Variants in SGPP2 observed in about 807,000 individuals in gnomAD.
SGPP2 encodes the protein sphingosine-1-phosphate phosphatase 2, also known as sphingosine 1-phosphate phosphohydrolase 2.
SGPP2 carries 30 observed loss-of-function variants against 33.9 expected under a neutral mutation model. The ratio of observed to expected loss-of-function variants is 0.89; its 90% CI spans 0.66 to 1.20. SGPP2 has a LOEUF of 1.20. Among genes scored for constraint, SGPP2 ranks in the 50% most tolerant of loss-of-function variants. SGPP2 has a pLI of 0.00. For synonymous variants in SGPP2, 233 were observed against 225.0 expected (o/e 1.04, Z -0.32); for missense variants, 458 against 532.1 (o/e 0.86, Z 1.37).
intron 1 of SGPP2, among the ~76,000 whole-genome samples, chr2:222,434,982 AC>A (rs1697213681): frequency 1.0e-4 from 1 of 9,728 alleles, no homozygotes; most frequent in Non-Finnish European, 2.5e-4. Flanking sequence ...ATATACACAC[AC>A]ACACACACAC....
At position 222,558,440 on chromosome 2, in the gene SGPP2, C is replaced by T; in HGVS notation, c.742C>T (p.Leu248Phe). 1 of 1,614,194 alleles carries T rather than the reference C, an allele frequency of 6.2e-7. No individual in the cohort carries two copies. Among genetic ancestry groups the T allele is most frequent in the Non-Finnish European group, 8.5e-7 (1 of 1,180,036 alleles). ...CGACTGCCTGGACTCGGCCAGCCCCCTCTTCCCCGTGTGTGTCATAGTTGT... is the reference window on the plus strand; with the variant it reads ...CGACTGCCTGGACTCGGCCAGCCCCTTCTTCCCCGTGTGTGTCATAGTTGT... ...FIDCLDSASP[L>F]FPVCVIVVPF... The change falls in exon 5 of 5, where the codon CTC (leucine) becomes TTC (phenylalanine). Residue 248 changes from leucine to phenylalanine, a missense_variant. Leu to Phe is a conservative substitution (Grantham distance 22, BLOSUM62 0). Coordinates refer to ENST00000321276, the MANE Select transcript of SGPP2 (RefSeq NM_152386.4).
chr2:222,500,949 A>T (rs1698357805), intron 2 of SGPP2, among the ~76,000 whole-genome samples: 1 of 152,224 alleles, frequency 6.6e-6, no homozygotes, highest in African/African-American at 2.4e-5. Flanking sequence ...CTTTGGAGAC[A>T]AAGAACTCAG....
intron 1 of SGPP2, among the ~76,000 whole-genome samples, chr2:222,438,952 T>C (rs1183405093): frequency 6.6e-6 from 1 of 152,200 alleles, no homozygotes; most frequent in Non-Finnish European, 1.5e-5. Context: ...TGCCGGCTGC[T>C]AAGTATGTCT....
intron 2 of SGPP2, among the ~76,000 whole-genome samples, chr2:222,483,030 C>T (rs1346469136): frequency 2.0e-5 from 3 of 152,096 alleles, no homozygotes; most frequent in South Asian, 2.1e-4. Flanking sequence ...CAGATTGATC[C>T]ATGGTATAGA....
At chr2:222,463,621 T>C (rs558544190) in intron 1 of SGPP2, among the ~76,000 whole-genome samples, 3 of 152,224 alleles carry the variant, frequency 2.0e-5, no homozygotes, top group Admixed American at 1.3e-4. Context: ...ATGCACCCAC[T>C]AACATGACTG....
At chr2:222,472,007 G>A (rs16863735) in intron 1 of SGPP2, among the ~76,000 whole-genome samples, 2,402 of 152,184 alleles carry the variant, frequency 0.016, 70 homozygotes, top group African/African-American at 0.055. Context: ...CACTCCCAGG[G>A]TAAGTAGGAA....
chr2:222,550,248 G>A lies in SGPP2; in HGVS notation c.649-8099G>A, dbSNP rs1417301022. ...ATATTGCTTATCATATAGATTCTTA[G>A]GGATATTTCTTTTTTTGGCATGATG... is the stretch of plus-strand genomic sequence containing the variant. On this transcript the variant is annotated intron_variant, in intron 4 of 4. Coordinates refer to ENST00000321276, the MANE Select transcript of SGPP2 (RefSeq NM_152386.4). The surrounding 1 kb of genome is among the most constrained non-coding windows in gnomAD (Gnocchi z 4.5). Among the ~76,000 whole-genome samples the A allele has an allele frequency of 6.6e-6, 1 of 151,980 alleles. No homozygotes were observed. The highest frequency in any genetic ancestry group is 2.4e-5 in the African/African-American group (1 of 41,366).
At position 222,433,033 on chromosome 2, in the gene SGPP2, G is replaced by GAGAA. The variant is rs532524028; in HGVS notation, c.219+8228_219+8231dup. ...CGAAACTCTGAAAAAGAAAGAAAGA[G>GAGAA]AGAAAGAAAGAAAGAAAGAGAGAGA... On this transcript the variant is annotated intron_variant, in intron 1 of 4. Transcript: ENST00000321276. 1.6e-3 allele frequency among the ~76,000 whole-genome samples: 210 copies of GAGAA among 131,960 alleles called. 1 individual carries two copies. Among genetic ancestry groups the GAGAA allele is most frequent in the Middle Eastern group, 4.0e-3 (1 of 248 alleles). 86.6% of individuals were successfully genotyped at this position (131,960 alleles called of 152,430 possible).
intron 4 of SGPP2, among the ~76,000 whole-genome samples, chr2:222,529,664 C>A (rs1417111033): frequency 6.6e-6 from 1 of 152,200 alleles, no homozygotes; most frequent in African/African-American, 2.4e-5. Context: ...TCTGCCGTTA[C>A]TTCCTCCATT....
chr2:222,474,559 G>T lies in SGPP2; in HGVS notation c.220-9G>T, dbSNP rs1300145703. On this transcript the variant is annotated splice_polypyrimidine_tract_variant and intron_variant, in intron 1 of 4. Coordinates refer to ENST00000321276, the MANE Select transcript of SGPP2 (RefSeq NM_152386.4). ...GAACTCACAGAGTCTTCTAACTTTTGTCTTTTAGGCTTATGTACAGAAGTA... is the reference window on the plus strand; with the variant it reads ...GAACTCACAGAGTCTTCTAACTTTTTTCTTTTAGGCTTATGTACAGAAGTA... 5 of 1,611,610 alleles carry T rather than the reference G, an allele frequency of 3.1e-6. 1 individual carries two copies. The South Asian group carries it at 3.3e-5, about 11-fold the overall frequency.
At chr2:222,453,655 ATT>A (rs750479309) in intron 1 of SGPP2, among the ~76,000 whole-genome samples, 4 of 152,210 alleles carry the variant, frequency 2.6e-5, no homozygotes, top group Non-Finnish European at 5.9e-5. Flanking sequence ...GCTTAATAAC[ATT>A]TTCTTTTCTC....
chr2:222,436,997 C>T (rs1422302998), intron 1 of SGPP2, among the ~76,000 whole-genome samples: 1 of 152,106 alleles, frequency 6.6e-6, no homozygotes, highest in African/African-American at 2.4e-5. Context: ...TGTTCATGGG[C>T]CCATTGGGTG....
intron 1 of SGPP2, among the ~76,000 whole-genome samples, chr2:222,437,493 T>C (rs1037107347): frequency 2.6e-5 from 4 of 152,138 alleles, no homozygotes; most frequent in Non-Finnish European, 5.9e-5. Context: ...TGTCAGCTGA[T>C]CATAGGGAAC....
chr2:222,499,936 G>T (rs773485196), intron 2 of SGPP2, among the ~76,000 whole-genome samples: 1 of 152,168 alleles, frequency 6.6e-6, no homozygotes, highest in Admixed American at 6.5e-5. Context: ...AACTTACAAC[G>T]TTAAGTTCTC....
intron 2 of SGPP2, among the ~76,000 whole-genome samples, chr2:222,494,478 G>A (rs1222271581): frequency 1.3e-5 from 2 of 152,188 alleles, no homozygotes; most frequent in Non-Finnish European, 2.9e-5. Context: ...GAAATGCTGG[G>A]AGGAGGCAGC....
chr2:222,425,201 C>T (rs1361161202), intron 1 of SGPP2, among the ~76,000 whole-genome samples: 1 of 152,098 alleles, frequency 6.6e-6, no homozygotes, highest in Non-Finnish European at 1.5e-5. Flanking sequence ...TCCCCCCCAC[C>T]CCCGTATTCT....
At chr2:222,433,081 G>A (rs1363197900) in intron 1 of SGPP2, among the ~76,000 whole-genome samples, 1 of 61,584 alleles carries the variant, frequency 1.6e-5, no homozygotes, top group East Asian at 3.8e-4. Flanking sequence ...AAGGAGGGGA[G>A]ACGAGAGGAG....
intron 1 of SGPP2, among the ~76,000 whole-genome samples, chr2:222,441,962 C>T (rs1697331517): frequency 6.6e-6 from 1 of 152,208 alleles, no homozygotes; most frequent in South Asian, 2.1e-4. Flanking sequence ...CATGTCTCTA[C>T]ATGAAGATGC....
chr2:222,453,836 A>G (rs529360751), intron 1 of SGPP2, among the ~76,000 whole-genome samples: 1 of 152,306 alleles, frequency 6.6e-6, no homozygotes, highest in Non-Finnish European at 1.5e-5. Flanking sequence ...CACAGGGGTC[A>G]GCACCCCTAA....
Sources: allele counts gnomAD v4.1 joint callset (sites outside exome capture counted in the v4.1 genomes callset), GRCh38; gene constraint gnomAD v4.1.1; non-coding constraint Gnocchi (gnomAD v3.1); transcripts MANE v1.5; gene names NCBI Gene and HGNC (gene_info 2026-07-23, HGNC 2026-07-21).